Variants in CFAP54 observed in about 807,000 individuals in gnomAD.
CFAP54 encodes cilia- and flagella-associated protein 54.
CFAP54 carries 290 observed loss-of-function variants against 370.4 expected under a neutral mutation model. The observed-to-expected ratio is 0.78, with a 90% CI of 0.71 to 0.86. The LOEUF (loss-of-function observed/expected upper bound fraction) is 0.86, where lower values mean the gene tolerates loss of function less well. CFAP54 is among the 40% of genes least tolerant of loss of function. The pLI, the probability that CFAP54 is intolerant of heterozygous loss-of-function variation, is 0.00. For synonymous variants in CFAP54, 1,206 were observed against 1,236.5 expected, an observed-to-expected ratio of 0.98 and a Z score of 0.52; for missense variants, 3,399 against 3,528.7, an observed-to-expected ratio of 0.96 and a Z score of 0.93.
intron 19 of CFAP54, among the ~76,000 whole-genome samples, chr12:96,570,237 G>C (rs1386300032): frequency 1.3e-5 from 2 of 151,892 alleles, no homozygotes; most frequent in African/African-American, 4.8e-5. Flanking sequence ...GTCTCCCAAA[G>C]TGCTGGGACT....
intron 26 of CFAP54, among the ~76,000 whole-genome samples, chr12:96,617,709 G>A (rs938124453): frequency 1.3e-5 from 2 of 152,016 alleles, no homozygotes; most frequent in Admixed American, 6.5e-5. Flanking sequence ...ATTTATCTGC[G>A]GGCGGGGCGT....
intron 1 of CFAP54, among the ~76,000 whole-genome samples, chr12:96,492,055 C>T (rs1020347829): frequency 4.6e-5 from 7 of 152,082 alleles, no homozygotes; most frequent in African/African-American, 9.7e-5. Context: ...CCACCTTGCC[C>T]GGCTTATACA....
chr12:96,495,267 TC>T (rs1954937892), intron 1 of CFAP54, among the ~76,000 whole-genome samples: 14 of 146,784 alleles, frequency 9.5e-5, no homozygotes, highest in Admixed American at 6.2e-4. Context: ...CTTCCTTCCT[TC>T]CTTCCTTCCT....
chr12:96,852,106 T>C (rs1423799215), intron 66 of CFAP54, among the ~76,000 whole-genome samples: 1 of 152,110 alleles, frequency 6.6e-6, no homozygotes, highest in East Asian at 1.9e-4. Flanking sequence ...CTCTCATTTA[T>C]AGTAGTACCA....
rs1348457662 is a variant in CFAP54, at chr12:96,500,889, T to C, written c.373T>C (p.Tyr125His). 42 of 1,535,440 alleles carry C rather than the reference T, an allele frequency of 2.7e-5. No homozygotes were observed. Among genetic ancestry groups the C allele is most frequent in the Middle Eastern group, 3.3e-4 (2 of 5,990 alleles). Residue 125 changes from tyrosine to histidine, a missense_variant, in exon 2 of 68, where the codon TAT (tyrosine) becomes CAT (histidine). Physicochemically the swap from Tyr to His is moderately conservative, Grantham distance 83. Transcript: ENST00000524981. ...TKYAPRLPAD[Y>H]YNEKLLKVGD... ...ATACGCCCCCAGGCTGCCAGCAGACTATTACAACGAAAAGCTTCTGAAGGT... is the reference window on the plus strand; with the variant it reads ...ATACGCCCCCAGGCTGCCAGCAGACCATTACAACGAAAAGCTTCTGAAGGT...
At chr12:96,582,353 T>G (rs1169071811) in intron 22 of CFAP54, among the ~76,000 whole-genome samples, 1 of 152,210 alleles carries the variant, frequency 6.6e-6, no homozygotes, top group African/African-American at 2.4e-5. Flanking sequence ...TATCTAATTT[T>G]AAGCCTATTC....
intron 48 of CFAP54, among the ~76,000 whole-genome samples, chr12:96,717,616 T>C (rs1044406878): frequency 6.6e-5 from 10 of 152,342 alleles, no homozygotes; most frequent in African/African-American, 2.2e-4. Flanking sequence ...TCTCCCCTGT[T>C]CAGAATAAGA....
chr12:96,839,910 A>C (rs950095579), intron 66 of CFAP54, among the ~76,000 whole-genome samples: 3 of 152,150 alleles, frequency 2.0e-5, no homozygotes, highest in Admixed American at 1.3e-4. Flanking sequence ...ACAACATGGT[A>C]GTAGGGTTTC....
At chr12:96,826,666 AAATATAT>A (rs1192487836) in intron 65 of CFAP54, among the ~76,000 whole-genome samples, 1,100 of 109,158 alleles carry the variant, frequency 0.01, 9 homozygotes, top group Non-Finnish European at 0.015. Flanking sequence ...TATTATATAT[AAATATAT>A]AATATATAAT....
chr12:96,864,803 A>G (rs1959962858), intron 67 of CFAP54, among the ~76,000 whole-genome samples: 1 of 152,152 alleles, frequency 6.6e-6, no homozygotes. Flanking sequence ...AGCCTGCTCC[A>G]CATTACTTTA....
At chr12:96,588,150 T>G (rs945701506) in intron 22 of CFAP54, among the ~76,000 whole-genome samples, 14 of 151,408 alleles carry the variant, frequency 9.2e-5, no homozygotes, top group Admixed American at 2.6e-4. Flanking sequence ...TTTCTTTTCA[T>G]TTTTTTTTCA....
At chr12:96,652,478 TTGAGTAACTAGTGAAAAAGAGACATAGC>T (rs1483805323) in intron 36 of CFAP54, among the ~76,000 whole-genome samples, 2 of 152,164 alleles carry the variant, frequency 1.3e-5, no homozygotes, top group African/African-American at 4.8e-5. Context: ...TAATGATCCC[TTGAGTAACTAGTGAAAAAGAGACATAGC>T]TGAAAAGTCA....
At chr12:96,513,117 G>A (rs1955191329) in intron 5 of CFAP54, 73 bp downstream of exon 5, 3 of 678,794 alleles carry the variant, frequency 4.4e-6, no homozygotes, top group Non-Finnish European at 6.6e-6. Context: ...TCATTACACA[G>A]TATATTGAAT....
At chr12:96,730,943 G>A (rs1957913296) in intron 50 of CFAP54, among the ~76,000 whole-genome samples, 1 of 152,222 alleles carries the variant, frequency 6.6e-6, no homozygotes, top group East Asian at 1.9e-4. Context: ...AATCTGTAAA[G>A]TATGTTTGGA....
chr12:96,602,015 C>T (rs940070400), intron 26 of CFAP54, among the ~76,000 whole-genome samples: 8 of 152,076 alleles, frequency 5.3e-5, no homozygotes, highest in African/African-American at 1.9e-4. Context: ...AATGTGTTTG[C>T]TCTTGCTTCT....
chr12:96,728,193 C>T (rs62095857), intron 50 of CFAP54, among the ~76,000 whole-genome samples: 2 of 151,882 alleles, frequency 1.3e-5, no homozygotes, highest in South Asian at 2.1e-4. Flanking sequence ...TTGTGGCATT[C>T]TCTGTATTTC....
intron 1 of CFAP54, among the ~76,000 whole-genome samples, chr12:96,499,973 AAAACAAAAC>A (rs1489676781): frequency 1.3e-5 from 2 of 151,752 alleles, no homozygotes; most frequent in African/African-American, 4.9e-5. Context: ...AAAACAAAAC[AAAACAAAAC>A]AAAAAAAACC....
In CFAP54 at chr12:96,537,015, A is replaced by ATTCAG. The variant is rs1171429812; in HGVS notation, c.1792-1368_1792-1367insTCAGT. Among the ~76,000 whole-genome samples, 1,283 of 151,690 alleles carry ATTCAG rather than the reference A, an allele frequency of 8.5e-3. 27 individuals are homozygous for ATTCAG. Among genetic ancestry groups the ATTCAG allele is most frequent in the African/African-American group, 0.029 (1,213 of 41,338 alleles). ...ATTCAATTCAATTCAATTCAATTCA[A>ATTCAG]TAAACACTTATTGATATCTGTCGTA... On this transcript the variant is annotated intron_variant, in intron 12 of 67. Transcript: ENST00000524981.
chr12:96,871,811 T>A (rs549954069), intron 67 of CFAP54, among the ~76,000 whole-genome samples: 21 of 152,228 alleles, frequency 1.4e-4, no homozygotes, highest in African/African-American at 3.4e-4. Flanking sequence ...GAATTTTTTT[T>A]AAAAAATAGT....
Sources: gnomAD v4.1 joint callset for allele counts (sites outside exome capture counted in the v4.1 genomes callset) on GRCh38, gnomAD v4.1.1 for gene constraint, MANE v1.5 for transcripts, NCBI Gene and HGNC (gene_info 2026-07-23, HGNC 2026-07-21) for gene names.